Variants in TNIK observed in about 807,000 individuals in gnomAD.
TNIK encodes TRAF2 and NCK interacting kinase.
A neutral mutation model predicts 191.3 loss-of-function variants in TNIK; 49 were observed. The ratio of observed to expected loss-of-function variants is 0.26; its 90% CI spans 0.20 to 0.32. The LOEUF (loss-of-function observed/expected upper bound fraction) is 0.32. TNIK is among the 10% of genes least tolerant of loss of function. The probability of loss-of-function intolerance (pLI) is 1.00; values close to 1 mark genes in which losing one functional copy is unlikely to be tolerated. For synonymous variants in TNIK, 594 were observed against 600.9 expected, an observed-to-expected ratio of 0.99 and a Z score of 0.17; for missense variants, 1,155 against 1,702.3, an observed-to-expected ratio of 0.68 and a Z score of 5.66.
intron 2 of TNIK, among the ~76,000 whole-genome samples, chr3:171,278,319 A>C (rs1436981082): frequency 6.6e-6 from 1 of 152,178 alleles, no homozygotes; most frequent in African/African-American, 2.4e-5. Context: ...CTGTCCAAAA[A>C]AGAGCAGCCT....
intron 1 of TNIK, among the ~76,000 whole-genome samples, chr3:171,429,603 C>G (rs1725101096): frequency 6.6e-6 from 1 of 152,150 alleles, no homozygotes; most frequent in South Asian, 2.1e-4. Flanking sequence ...TTCAAAAATC[C>G]AGCCCCTATT....
At chr3:171,085,063 C>T in intron 25 of TNIK, 55 bp downstream of exon 25, 1 of 1,410,164 alleles carries the variant, frequency 7.1e-7, no homozygotes, top group East Asian at 2.5e-5. Flanking sequence ...CTTATCAGGT[C>T]ATACCAGAAA....
rs537862388 is a variant in TNIK, at chr3:171,084,138, A to G, written c.3169+17T>C. On this transcript the variant is annotated intron_variant, in intron 26 of 32. Coordinates refer to ENST00000436636, the MANE Select transcript of TNIK (RefSeq NM_015028.4). Reference sequence around the variant, plus strand: ...AGTGGTTATTTAAAAAAAAAAAAAAAAAAAGCACCAACATACCCCACAGAG... The same window carrying G: ...AGTGGTTATTTAAAAAAAAAAAAAAGAAAAGCACCAACATACCCCACAGAG... The G allele has an allele frequency of 4.2e-4, 637 of 1,515,640 alleles. 9 individuals carry two copies. In the South Asian group the frequency reaches 8.1e-3, roughly 19 times the overall value. 93.9% of individuals were successfully genotyped at this position (1,515,640 alleles called of 1,614,324 possible). A position where few individuals can be genotyped will look rare whatever the true frequency, so the allele number is the denominator to read the frequency against.
chr3:171,273,729 C>T (rs762898689), intron 2 of TNIK, among the ~76,000 whole-genome samples: 7 of 151,920 alleles, frequency 4.6e-5, no homozygotes, highest in Non-Finnish European at 7.4e-5. Context: ...TCAAAAAACC[C>T]GACCTTTTTA....
chr3:171,146,913 A>G (rs1031042538), intron 12 of TNIK, among the ~76,000 whole-genome samples: 1 of 150,060 alleles, frequency 6.7e-6, no homozygotes, highest in Admixed American at 6.6e-5. Flanking sequence ...AAAAAAAAAA[A>G]GTGACGAATG....
intron 2 of TNIK, among the ~76,000 whole-genome samples, chr3:171,358,111 G>A (rs1714415915): frequency 6.6e-6 from 1 of 152,082 alleles, no homozygotes; most frequent in South Asian, 2.1e-4. Context: ...TCCTGTGGGG[G>A]AAAAATGTTT....
intron 3 of TNIK, among the ~76,000 whole-genome samples, chr3:171,226,105 T>G (rs1742931182): frequency 6.6e-6 from 1 of 152,218 alleles, no homozygotes; most frequent in Admixed American, 6.5e-5. Context: ...CAGATCCTGC[T>G]AATCGACCAT....
chr3:171,188,961 A>G lies in TNIK; in HGVS notation c.509-129T>C, dbSNP rs1577072544. 3.1e-5 allele frequency: 37 copies of G among 1,192,890 alleles called. 1 individual carries two copies. In the South Asian group the frequency reaches 5.2e-4, roughly 17 times the overall value. 73.9% of individuals were successfully genotyped at this position (1,192,890 alleles called of 1,614,324 possible). A position where few individuals can be genotyped will look rare whatever the true frequency, so the allele number is the denominator to read the frequency against. On this transcript the variant is annotated intron_variant, in intron 6 of 32. Transcript: ENST00000436636. ...AGTGTACAATTTTGACCATTTTCAA[A>G]TGTACATTTCTGGGGCACTAAGCAC...
intron 3 of TNIK, chr3:171,225,673 T>C (rs1364403198): frequency 1.5e-5 from 7 of 454,530 alleles, no homozygotes; most frequent in Admixed American, 1.2e-4. Context: ...GAAAAATAAC[T>C]GTGTAACTTT....
At chr3:171,324,760 A>G (rs756669915) in intron 2 of TNIK, among the ~76,000 whole-genome samples, 10 of 152,136 alleles carry the variant, frequency 6.6e-5, no homozygotes, top group Non-Finnish European at 1.2e-4. Context: ...TAGCTCCAAA[A>G]GGAAAGATTT....
chr3:171,066,166 C>A, intron 32 of TNIK, 21 bp downstream of exon 32: 1 of 1,611,192 alleles, frequency 6.2e-7, no homozygotes, highest in Non-Finnish European at 8.5e-7. Flanking sequence ...AACACTAATG[C>A]AAATGTTGAA....
intron 2 of TNIK, among the ~76,000 whole-genome samples, chr3:171,262,426 G>A (rs569192214): frequency 1.3e-5 from 2 of 152,026 alleles, no homozygotes; most frequent in Non-Finnish European, 2.9e-5. Flanking sequence ...TTGTCCCCCA[G>A]AGTCCATAAA....
intron 2 of TNIK, among the ~76,000 whole-genome samples, chr3:171,351,614 T>C (rs1713226026): frequency 6.6e-6 from 1 of 152,194 alleles, no homozygotes; most frequent in Admixed American, 6.5e-5. Flanking sequence ...GTTTCAGGGC[T>C]ATCATTGCAT....
intron 19 of TNIK, among the ~76,000 whole-genome samples, chr3:171,110,005 AG>A (rs1725605309): frequency 6.6e-6 from 1 of 152,054 alleles, no homozygotes; most frequent in Admixed American, 6.5e-5. Flanking sequence ...CCTGGGTTCA[AG>A]CGATTCTCCT....
At chr3:171,390,899 A>G (rs891611941) in intron 1 of TNIK, among the ~76,000 whole-genome samples, 1 of 152,230 alleles carries the variant, frequency 6.6e-6, no homozygotes, top group Non-Finnish European at 1.5e-5. Context: ...TGTGATTTAT[A>G]GGAAAGGGAG....
chr3:171,429,430 C>T (rs138830121), intron 1 of TNIK, among the ~76,000 whole-genome samples: 2 of 152,272 alleles, frequency 1.3e-5, no homozygotes, highest in Non-Finnish European at 2.9e-5. Context: ...GGAGAGAGAG[C>T]AAAAGAATAC....
intron 3 of TNIK, among the ~76,000 whole-genome samples, chr3:171,218,335 T>G (rs1741709010): frequency 6.6e-6 from 1 of 152,094 alleles, no homozygotes; most frequent in African/African-American, 2.4e-5. Context: ...TACCCAAGCC[T>G]GCACTGAGGC....
At position 171,060,145 on chromosome 3, in the gene TNIK, G is replaced by A. The variant is rs1310413384; in HGVS notation, c.*3736C>T. Among the ~76,000 whole-genome samples, 3 of 152,184 alleles carry A rather than the reference G, an allele frequency of 2.0e-5. No homozygotes were observed. Among genetic ancestry groups the A allele is most frequent in the Non-Finnish European group, 4.4e-5 (3 of 68,022 alleles). ...CTGTTAACACAAAGAGCTCTTCCAC[G>A]TTTCAAGAATACAGTGACGGGAACT... On this transcript the variant is annotated 3_prime_UTR_variant, in exon 33 of 33. Transcript: ENST00000436636.
chr3:171,403,617 AAAAAAAAAAAAAAAAAG>A (rs1452569072), intron 1 of TNIK, among the ~76,000 whole-genome samples: 1 of 116,292 alleles, frequency 8.6e-6, no homozygotes, highest in Non-Finnish European at 2.1e-5. Context: ...GTATCAAAAA[AAAAAAAAAAAAAAAAAG>A]AAAAGAAAAG....
Sources: allele counts gnomAD v4.1 joint callset (sites outside exome capture counted in the v4.1 genomes callset), GRCh38; gene constraint gnomAD v4.1.1; transcripts MANE v1.5; gene names NCBI Gene and HGNC (gene_info 2026-07-23, HGNC 2026-07-21).